Variants in FRMD3 observed in about 807,000 individuals in gnomAD.
The protein encoded by FRMD3 is FERM domain-containing protein 3.
A neutral mutation model predicts 70.2 loss-of-function variants in FRMD3; 33 were observed. That is an observed-to-expected ratio of 0.47 (90% CI 0.36 to 0.63). FRMD3 has a LOEUF of 0.63. FRMD3 is among the 20% of genes least tolerant of loss of function. The pLI, the probability that FRMD3 is intolerant of heterozygous loss-of-function variation, is 0.00. For missense variants in FRMD3, 632 were observed against 711.4 expected (o/e 0.89, Z 1.27); for synonymous variants, 279 against 255.9 (o/e 1.09, Z -0.86).
chr9:83,548,152 G>A, the FRMD3 span, among the ~76,000 whole-genome samples: 1 of 152,158 alleles, frequency 6.6e-6, no homozygotes. Flanking sequence ...CACTTTGAAA[G>A]ACAGTTTGGT....
chr9:83,318,845 CTGGTGTAAGA>C lies in FRMD3; in HGVS notation c.597-5108_597-5099del, dbSNP rs1318492630. ...GACTTTTTAGTAATAGTCTTTCTGA[CTGGTGTAAGA>C]TGGTCTCTCATTGTGGTTTTAATTT... On this transcript the variant is annotated intron_variant, in intron 6 of 13. Transcript: ENST00000304195. 2.0e-5 allele frequency among the ~76,000 whole-genome samples: 3 copies of C among 152,108 alleles called. No individual in the cohort carries two copies. In the East Asian group the frequency reaches 5.8e-4, roughly 29 times the overall value.
intron 13 of FRMD3, among the ~76,000 whole-genome samples, chr9:83,283,554 ATAAT>A (rs1834067431): frequency 3.3e-5 from 3 of 90,704 alleles, no homozygotes; most frequent in African/African-American, 1.3e-4. Flanking sequence ...AAAAATAATA[ATAAT>A]AATAATAATA....
At chr9:83,273,204 G>A (rs1833671435) in intron 13 of FRMD3, among the ~76,000 whole-genome samples, 1 of 152,206 alleles carries the variant, frequency 6.6e-6, no homozygotes, top group African/African-American at 2.4e-5. Flanking sequence ...GGGAAATGTG[G>A]GGAAAAGATA....
At chr9:83,451,684 G>A (rs1381972077) in intron 1 of FRMD3, among the ~76,000 whole-genome samples, 2 of 152,162 alleles carry the variant, frequency 1.3e-5, no homozygotes, top group Non-Finnish European at 2.9e-5. Flanking sequence ...GGAGAGGTGA[G>A]AAGAGTGTTA....
Position 83,389,596 on chromosome 9 carries a change from G to A in FRMD3, c.252+8C>T, listed in dbSNP as rs780983184. The A allele has an allele frequency of 1.9e-6, 3 of 1,594,326 alleles. No individual in the cohort carries two copies. In the East Asian group the frequency reaches 6.7e-5, roughly 36 times the overall value. ...TGAAAATGGCTCCAGATAGAAATCA[G>A]CTCTTACCCTTTGCTTCTCTGGGTC... On this transcript the variant is annotated splice_region_variant and intron_variant, in intron 2 of 13. Coordinates refer to ENST00000304195, the MANE Select transcript of FRMD3 (RefSeq NM_174938.6).
the FRMD3 span, among the ~76,000 whole-genome samples, chr9:83,547,979 A>G: frequency 7.3e-4 from 111 of 152,350 alleles, 1 homozygote; most frequent in African/African-American, 2.4e-3. Flanking sequence ...ACTCAACATC[A>G]TATCTCATTA....
rs548615896 is a variant in FRMD3, at chr9:83,370,317, G to A, written c.295+2596C>T. On this transcript the variant is annotated intron_variant, in intron 3 of 13. Transcript: ENST00000304195. Reference sequence around the variant, plus strand: ...TTTACAGTAAAGTTAATATTTCTAGGGCATATGTACAAGAACACAGAAATT... The same window carrying A: ...TTTACAGTAAAGTTAATATTTCTAGAGCATATGTACAAGAACACAGAAATT... 6.6e-4 allele frequency among the ~76,000 whole-genome samples: 101 copies of A among 152,160 alleles called. 1 individual carries two copies. Among genetic ancestry groups the A allele is most frequent in the African/African-American group, 2.4e-3 (99 of 41,506 alleles).
intron 1 of FRMD3, among the ~76,000 whole-genome samples, chr9:83,473,358 G>A (rs147645881): frequency 1.2e-4 from 19 of 152,220 alleles, no homozygotes; most frequent in Admixed American, 2.6e-4. Flanking sequence ...ACATGACTCC[G>A]GTCCAGTCCT....
intron 3 of FRMD3, among the ~76,000 whole-genome samples, chr9:83,371,328 T>C (rs375962990): frequency 0.15 from 22,648 of 151,952 alleles, 1,839 homozygotes; most frequent in Non-Finnish European, 0.17. Context: ...TTACTTTTTT[T>C]TTTTTTTAAA....
chr9:83,560,807 AGGACCAAGATAT>A, the FRMD3 span, among the ~76,000 whole-genome samples: 1 of 152,208 alleles, frequency 6.6e-6, no homozygotes, highest in Non-Finnish European at 1.5e-5. Flanking sequence ...CCCATTGGCT[AGGACCAAGATAT>A]GGAAGCCACC....
intron 6 of FRMD3, among the ~76,000 whole-genome samples, chr9:83,335,105 G>A (rs1823532936): frequency 6.6e-6 from 1 of 152,106 alleles, no homozygotes; most frequent in Non-Finnish European, 1.5e-5. Context: ...CTCAGCAAAG[G>A]GAATCTTCCC....
intron 1 of FRMD3, among the ~76,000 whole-genome samples, chr9:83,404,068 G>GCA (rs10552914): frequency 0.042 from 6,274 of 148,882 alleles, 181 homozygotes; most frequent in East Asian, 0.15. Context: ...GCATACACAC[G>GCA]CACACACACA....
chr9:83,422,934 C>T (rs1260793042), intron 1 of FRMD3, among the ~76,000 whole-genome samples: 1 of 152,152 alleles, frequency 6.6e-6, no homozygotes, highest in African/African-American at 2.4e-5. Flanking sequence ...ATTGCTTAGG[C>T]CACCAGGCCA....
At chr9:83,252,237 A>C (rs1357872333) in intron 13 of FRMD3, among the ~76,000 whole-genome samples, 2 of 151,488 alleles carry the variant, frequency 1.3e-5, no homozygotes, top group Non-Finnish European at 2.9e-5. Context: ...AAAGAAAAGA[A>C]CTTCCAACCC....
At chr9:83,567,328 C>T in the FRMD3 span, among the ~76,000 whole-genome samples, 5 of 152,300 alleles carry the variant, frequency 3.3e-5, no homozygotes, top group South Asian at 1.0e-3. Context: ...GCCTGGCCTA[C>T]AAAACCACTT....
chr9:83,482,263 G>T (rs1163461434), intron 1 of FRMD3, among the ~76,000 whole-genome samples: 1 of 152,168 alleles, frequency 6.6e-6, no homozygotes, highest in Admixed American at 6.5e-5. Context: ...CCTACCAGAT[G>T]ATTTCGACAA....
At chr9:83,490,462 G>A (rs201507847) in intron 1 of FRMD3, among the ~76,000 whole-genome samples, 1 of 151,880 alleles carries the variant, frequency 6.6e-6, no homozygotes, top group Non-Finnish European at 1.5e-5. Context: ...CAAATTTTTT[G>A]TATTTTTAGT....
At chr9:83,302,397 T>TA (rs2131021726) in intron 10 of FRMD3, among the ~76,000 whole-genome samples, 1 of 152,288 alleles carries the variant, frequency 6.6e-6, no homozygotes, top group South Asian at 2.1e-4. Flanking sequence ...GAAAGAACAG[T>TA]GGTCCAGATT....
chr9:83,265,071 A>C (rs1833178555), intron 13 of FRMD3, among the ~76,000 whole-genome samples: 1 of 152,166 alleles, frequency 6.6e-6, no homozygotes, highest in South Asian at 2.1e-4. Context: ...GAAAGCAAAT[A>C]GTTTGCACAT....
Sources: allele counts gnomAD v4.1 joint callset (sites outside exome capture counted in the v4.1 genomes callset), GRCh38; gene constraint gnomAD v4.1.1; transcripts MANE v1.5; gene names NCBI Gene and HGNC (gene_info 2026-07-23, HGNC 2026-07-21).